ST18: variants seen among roughly 807,000 people sequenced by gnomAD.
ST18 encodes the protein ST18 C2H2C-type zinc finger transcription factor.
Under a neutral mutation model 110.0 loss-of-function variants are expected in ST18, and 50 were observed. That is an observed-to-expected ratio of 0.45 (90% CI 0.36 to 0.58). ST18 has a LOEUF of 0.58. Ranked by LOEUF, ST18 falls within the 20% of genes least tolerant of loss-of-function variation. The pLI is 0.00. For synonymous variants in ST18, 461 were observed against 452.4 expected (o/e 1.02, Z -0.24); for missense variants, 1,306 against 1,280.1 (o/e 1.02, Z -0.31).
intron 2 of ST18, among the ~76,000 whole-genome samples, chr8:52,278,937 G>C (rs952265265): frequency 2.6e-5 from 4 of 152,182 alleles, no homozygotes; most frequent in Admixed American, 1.3e-4. Context: ...TGAAGGAAGA[G>C]ATTTGCAATG....
chr8:52,368,138 A>T (rs1025759943), intron 2 of ST18, among the ~76,000 whole-genome samples: 2 of 152,164 alleles, frequency 1.3e-5, no homozygotes, highest in African/African-American at 4.8e-5. Context: ...AACAAGTTTT[A>T]TGTGGAATTC....
Position 52,139,149 on chromosome 8 carries a change from A to C in ST18, c.2169-1666T>G, listed in dbSNP as rs142446341. 1.7e-3 allele frequency among the ~76,000 whole-genome samples: 254 copies of C among 152,288 alleles called. 1 individual carries two copies. Among genetic ancestry groups the C allele is most frequent in the Middle Eastern group, 6.8e-3 (2 of 294 alleles). ...ATGTTAAAAAGTAAAGACAAAAACC[A>C]GTTATTAACATTTCGGCTGAGTTAT... On this transcript the variant is annotated intron_variant, in intron 17 of 25. Coordinates refer to ENST00000689386, the MANE Select transcript of ST18 (RefSeq NM_001352837.2).
In ST18 at chr8:52,270,758, CA is replaced by C. The variant is rs1181019835; in HGVS notation, c.-464-40682del. Reference sequence around the variant, plus strand: ...GGTAAGGGATGATAACTGAAGGGTACATTTTTTTTGAGGTAGTGATTATGTT... The same window carrying C: ...GGTAAGGGATGATAACTGAAGGGTACTTTTTTTTGAGGTAGTGATTATGTT... On this transcript the variant is annotated intron_variant, in intron 2 of 25. Coordinates refer to ENST00000689386, the MANE Select transcript of ST18 (RefSeq NM_001352837.2). 5.3e-5 allele frequency among the ~76,000 whole-genome samples: 8 copies of C among 152,110 alleles called. No homozygotes were observed. In the South Asian group the frequency reaches 1.2e-3, roughly 24 times the overall value.
At chr8:52,126,028 T>C in intron 23 of ST18, 24 bp downstream of exon 23, 1 of 1,608,116 alleles carries the variant, frequency 6.2e-7, no homozygotes, top group Non-Finnish European at 8.5e-7. Flanking sequence ...CAGGAGGTGG[T>C]GACAGCCAGC....
chr8:52,169,965 A>G (rs1365981121), intron 10 of ST18, among the ~76,000 whole-genome samples: 1 of 152,242 alleles, frequency 6.6e-6, no homozygotes, highest in Non-Finnish European at 1.5e-5. Flanking sequence ...AAAACAAAAA[A>G]AAAGAAGTTT....
At chr8:52,330,454 T>C (rs1479120528) in intron 2 of ST18, among the ~76,000 whole-genome samples, 1 of 152,184 alleles carries the variant, frequency 6.6e-6, no homozygotes, top group African/African-American at 2.4e-5. Flanking sequence ...TAACCAGAAC[T>C]CCGATAGCAA....
chr8:52,341,053 A>G (rs1029258799), intron 2 of ST18, among the ~76,000 whole-genome samples: 1 of 152,160 alleles, frequency 6.6e-6, no homozygotes, highest in African/African-American at 2.4e-5. Context: ...AAATACTAGG[A>G]AAGTCTATTC....
At chr8:52,342,428 A>C (rs905418006) in intron 2 of ST18, among the ~76,000 whole-genome samples, 1 of 152,252 alleles carries the variant, frequency 6.6e-6, no homozygotes, top group Non-Finnish European at 1.5e-5. Context: ...GCTAAAGAGC[A>C]GTCCAGGTCT....
intron 21 of ST18, among the ~76,000 whole-genome samples, chr8:52,132,467 C>A (rs1467804585): frequency 2.6e-5 from 4 of 152,118 alleles, no homozygotes; most frequent in African/African-American, 9.7e-5. Flanking sequence ...AGAAGTGGAG[C>A]CAAGTTCATG....
rs182166509 is a variant in ST18, at chr8:52,154,021, C to T, written c.1807-4044G>A. On this transcript the variant is annotated intron_variant, in intron 15 of 25. Coordinates refer to ENST00000689386, the MANE Select transcript of ST18 (RefSeq NM_001352837.2). ...TCTACTTTAGATTCAGGGGATTGGACTAGGTTTTTGAATACGAAAAGAGAC... is the reference window on the plus strand; with the variant it reads ...TCTACTTTAGATTCAGGGGATTGGATTAGGTTTTTGAATACGAAAAGAGAC... Among the ~76,000 whole-genome samples the T allele has an allele frequency of 2.6e-3, 400 of 152,280 alleles. 8 individuals carry two copies. Among genetic ancestry groups the T allele is most frequent in the East Asian group, 1.2e-3 (6 of 5,182 alleles).
intron 10 of ST18, among the ~76,000 whole-genome samples, chr8:52,170,167 CTTCTG>C (rs2064328094): frequency 6.6e-6 from 1 of 152,190 alleles, no homozygotes; most frequent in Non-Finnish European, 1.5e-5. Context: ...ATCGCATACT[CTTCTG>C]AGTTCAGAGA....
chr8:52,205,293 C>T (rs2079562265), intron 8 of ST18, among the ~76,000 whole-genome samples: 1 of 151,714 alleles, frequency 6.6e-6, no homozygotes, highest in African/African-American at 2.4e-5. Flanking sequence ...CACTTTTAGT[C>T]CATTTGTAAA....
At chr8:52,281,603 G>C (rs1228055801) in intron 2 of ST18, among the ~76,000 whole-genome samples, 1 of 152,090 alleles carries the variant, frequency 6.6e-6, no homozygotes, top group African/African-American at 2.4e-5. Flanking sequence ...ATAGCTAATG[G>C]TATCACAGAT....
At chr8:52,169,202 T>C (rs990069240) in intron 10 of ST18, among the ~76,000 whole-genome samples, 1 of 152,284 alleles carries the variant, frequency 6.6e-6, no homozygotes, top group African/African-American at 2.4e-5. Flanking sequence ...CCTGTTTGCA[T>C]GATAAGAAGC....
chr8:52,294,525 T>A (rs1246168642), intron 2 of ST18: 1 of 152,226 alleles, frequency 6.6e-6, no homozygotes, highest in Non-Finnish European at 1.5e-5. Flanking sequence ...GGACCAAGGC[T>A]TCGGAGAAGA....
intron 8 of ST18, among the ~76,000 whole-genome samples, chr8:52,185,482 A>G (rs1438444303): frequency 6.6e-6 from 1 of 152,232 alleles, no homozygotes; most frequent in Non-Finnish European, 1.5e-5. Context: ...TTGGAAAAGA[A>G]CAACAAAGTT....
At chr8:52,229,404 C>T (rs553639884) in intron 3 of ST18, among the ~76,000 whole-genome samples, 2 of 152,302 alleles carry the variant, frequency 1.3e-5, no homozygotes, top group South Asian at 4.2e-4. Flanking sequence ...AATCCAGTTC[C>T]TTGCTGTCAT....
At chr8:52,346,185 A>G (rs946578498) in intron 2 of ST18, among the ~76,000 whole-genome samples, 10 of 151,170 alleles carry the variant, frequency 6.6e-5, no homozygotes, top group African/African-American at 2.4e-4. Context: ...TTTATTTATT[A>G]TTATTACACT....
rs73679155 is a variant in ST18 at position 52,179,976 on chromosome 8, A to T, written c.277+146T>A. ...ACTGGGTCCTCAATAAATGAATGTC[A>T]AGTAAAATAAATGTTTCATTTTGCT... is the stretch of plus-strand genomic sequence containing the variant. On this transcript the variant is annotated intron_variant, in intron 9 of 25. Transcript: ENST00000689386. 9.9e-3 allele frequency: 8,850 copies of T among 889,816 alleles called. 99 individuals are homozygous for T. Among genetic ancestry groups the T allele is most frequent in the African/African-American group, 0.034 (2,056 of 59,928 alleles). The allele number at this position is 889,816 out of a possible 1,614,324, so 55.1% of individuals were successfully genotyped here.
Sources: allele counts gnomAD v4.1 joint callset (sites outside exome capture counted in the v4.1 genomes callset), GRCh38; gene constraint gnomAD v4.1.1; transcripts MANE v1.5; gene names NCBI Gene and HGNC (gene_info 2026-07-23, HGNC 2026-07-21).